Variants in SKOR1 observed in about 807,000 individuals in gnomAD.
The protein encoded by SKOR1 is SKI family transcriptional corepressor 1.
In SKOR1, 38 loss-of-function variants were observed where a neutral mutation model predicts 72.4. That is an observed-to-expected ratio of 0.52 (90% CI 0.40 to 0.69). The LOEUF is 0.69. Ranked by LOEUF, SKOR1 falls within the 30% of genes least tolerant of loss-of-function variation. SKOR1 has a pLI of 0.00. For missense variants in SKOR1, 1,320 were observed against 1,343.2 expected, an observed-to-expected ratio of 0.98 and a Z score of 0.27; for synonymous variants, 642 against 599.4, an observed-to-expected ratio of 1.07 and a Z score of -1.04.
chr15:67,833,994 C>A lies in SKOR1; in HGVS notation c.*158C>A, dbSNP rs1481690281. ...CTTCCTCCCGGGCTCCCCGGCCTTG[C>A]CCGCCCCCTCCCGGGCGTCCCTGTC... On this transcript the variant is annotated 3_prime_UTR_variant, in exon 9 of 9. Transcript: ENST00000380035. This position sits in a 1 kb window ranked among gnomAD's most constrained non-coding sequence, Gnocchi z 6.0. 2.6e-6 allele frequency: 2 copies of A among 780,166 alleles called. No individual in the cohort carries two copies. The highest frequency in any genetic ancestry group is 2.1e-5 in the Admixed American group (1 of 47,352). The allele number at this position is 780,166 out of a possible 1,614,324, so 48.3% of individuals were successfully genotyped here.
In SKOR1 at chr15:67,827,007, C is replaced by T. The variant is rs758789988; in HGVS notation, c.1179C>T (p.Phe393=). The part of the protein sequence containing the change: ...GLLQKLPPPL[F]PHPYGFPTAF... The stretch of plus-strand genomic sequence containing the variant: ...TGCAAAAGCTGCCCCCACCACTTTT[C>T]CCCCATCCTTACGGCTTCCCTACGG... Residue 393 remains phenylalanine, a synonymous_variant, in exon 2 of 9, where the codon TTC becomes TTT. Coordinates refer to ENST00000380035, the MANE Select transcript of SKOR1 (RefSeq NM_001365915.1). 8 of 1,594,232 alleles carry T rather than the reference C, an allele frequency of 5.0e-6. No homozygotes were observed. The highest frequency in any genetic ancestry group is 4.0e-5 in the African/African-American group (3 of 74,240).
chr15:67,829,127 G>A, intron 2 of SKOR1, 52 bp from the exon 3 acceptor site: 1 of 1,472,392 alleles, frequency 6.8e-7, no homozygotes, highest in Non-Finnish European at 9.0e-7. Context: ...GGGCGTCTTT[G>A]GGCCGCCGCA....
Position 67,827,230 on chromosome 15 carries a change from G to A in SKOR1, c.1402G>A (p.Ala468Thr), listed in dbSNP as rs768411069. The change falls in exon 2 of 9, where the codon GCA (alanine) becomes ACA (threonine). Residue 468 changes from alanine (A) to threonine (T), a missense_variant. Coordinates refer to ENST00000380035, the MANE Select transcript of SKOR1 (RefSeq NM_001365915.1). ...GTTCTGGGGGCATCAACCCTCCGGG[G>A]CAGCCAAGGACGCAGCGGCAGTGGC... ...AMFWGHQPSGAAKDAAAVAAA... is the reference protein window; with the variant it reads ...AMFWGHQPSGTAKDAAAVAAA... The A allele has an allele frequency of 5.7e-6, 9 of 1,566,414 alleles. No homozygotes were observed. The highest frequency in any genetic ancestry group is 6.9e-6 in the Non-Finnish European group (8 of 1,164,620).
At position 67,827,141 on chromosome 15, in the gene SKOR1, C is replaced by T. The variant is rs1030214875; in HGVS notation, c.1313C>T (p.Ala438Val). ...GGGGAGTGGG[A>V]GGPGASHLPP... is the part of the protein sequence containing the mutation. The stretch of plus-strand genomic sequence containing the variant: ...GGCGGCGCGGGGACAGGCGGGGGTG[C>T]GGGGGGCCCGGGAGCCAGCCACTTG... Residue 438 changes from alanine (A) to valine (V), a missense_variant, in exon 2 of 9, where the codon GCG (alanine) becomes GTG (valine). This residue lies in a region of SKOR1 where 1,099 missense variants were observed against 1,025.5 expected (regional missense o/e 1.07). Transcript: ENST00000380035. 3.0e-6 allele frequency: 4 copies of T among 1,350,754 alleles called. No individual in the cohort carries two copies. The South Asian group carries it at 5.9e-5, about 20-fold the overall frequency. The allele number at this position is 1,350,754 out of a possible 1,614,324, so 83.7% of individuals were successfully genotyped here.
chr15:67,827,190 G>C lies in SKOR1; in HGVS notation c.1362G>C (p.Pro454=), dbSNP rs749352635. 3.4e-4 allele frequency: 480 copies of C among 1,411,344 alleles called. No homozygotes were observed. The highest frequency in any genetic ancestry group is 4.2e-4 in the Non-Finnish European group (454 of 1,089,008). 87.4% of individuals were successfully genotyped at this position (1,411,344 alleles called of 1,614,324 possible). ...SHLPPGAGAG[P]GGGAMFWGHQ... is the part of the protein sequence containing the mutation. ...TGCCCCCGGGGGCAGGGGCGGGCCC[G>C]GGCGGCGGCGCCATGTTCTGGGGGC... Residue 454 remains proline (P), a synonymous_variant, in exon 2 of 9, where the codon CCG becomes CCC. Coordinates refer to ENST00000380035, the MANE Select transcript of SKOR1 (RefSeq NM_001365915.1).
In SKOR1 at chr15:67,827,584, G is replaced by A. The variant is rs1415077497; in HGVS notation, c.1756G>A (p.Ala586Thr). Residue 586 changes from alanine to threonine, a missense_variant, in exon 2 of 9, where the codon GCA becomes ACA. Ala to Thr is a moderately conservative substitution (Grantham distance 58). Transcript: ENST00000380035. The part of the protein sequence containing the change: ...APLPPPPPPP[A>T]RKGSYVSAFR... Reference sequence around the variant, plus strand: ...GTTGCCCCCGCCGCCCCCGCCGCCCGCACGCAAAGGCTCCTACGTGTCGGC... The same window carrying A: ...GTTGCCCCCGCCGCCCCCGCCGCCCACACGCAAAGGCTCCTACGTGTCGGC... The A allele has an allele frequency of 1.3e-5, 19 of 1,519,572 alleles. No homozygotes were observed. The highest frequency in any genetic ancestry group is 1.7e-5 in the Non-Finnish European group (19 of 1,140,986). The allele number at this position is 1,519,572 out of a possible 1,614,324, so 94.1% of individuals were successfully genotyped here.
Position 67,833,799 on chromosome 15 carries a change from C to T in SKOR1, c.2861C>T (p.Thr954Ile). The change falls in exon 9 of 9, where the codon ACT becomes ATT. Residue 954 changes from threonine (T) to isoleucine (I), a missense_variant. This residue lies in a region of SKOR1 where 1,099 missense variants were observed against 1,025.5 expected (regional missense o/e 1.07). Coordinates refer to ENST00000380035, the MANE Select transcript of SKOR1 (RefSeq NM_001365915.1). The surrounding 1 kb of genome is among the most constrained non-coding windows in gnomAD (Gnocchi z 6.0). ...AAGATGCTGACGCCCCGCCACTGCA[C>T]TGGCAACTGCTCCTTCAAGCCACCG... ...SCKMLTPRHC[T>I]GNCSFKPPLL... is the part of the protein sequence containing the mutation. The T allele has an allele frequency of 6.2e-7, 1 of 1,612,742 alleles. No individual in the cohort carries two copies. Among genetic ancestry groups the T allele is most frequent in the Non-Finnish European group, 8.5e-7 (1 of 1,180,036 alleles).
chr15:67,830,128 C>T, intron 3 of SKOR1, 63 bp from the exon 4 acceptor site: 1 of 1,554,306 alleles, frequency 6.4e-7, no homozygotes, highest in Non-Finnish European at 8.9e-7. Flanking sequence ...ACCGCGGCAG[C>T]TCCGGCAGTA....
chr15:67,827,883 A>AG lies in SKOR1; in HGVS notation c.2060dup (p.Gly688ArgfsTer5). ...AGACCGAGCCCAGCGCACCCAGCGC[A>AG]GGGGGCGGCCCAGACGGTGAACAGC... On this transcript the variant is annotated frameshift_variant, in exon 2 of 9. Coordinates refer to ENST00000380035, the MANE Select transcript of SKOR1 (RefSeq NM_001365915.1). LOFTEE classifies it high-confidence loss of function. 1.2e-6 allele frequency: 2 copies of AG among 1,600,600 alleles called. No individual in the cohort carries two copies. The highest frequency in any genetic ancestry group is 1.7e-5 in the Admixed American group (1 of 58,110).
Position 67,826,518 on chromosome 15 carries a change from C to T in SKOR1, c.690C>T (p.Pro230=). The stretch of plus-strand genomic sequence containing the variant: ...TCATCTTCCACTCGCACCGAACACC[C>T]GACGCCAAGTACACGCAGCCCGATG... ...NKFIFHSHRT[P]DAKYTQPDAA... is the part of the protein sequence containing the mutation. Residue 230 remains proline (P), a synonymous_variant, in exon 2 of 9, where the codon CCC becomes CCT. Coordinates refer to ENST00000380035, the MANE Select transcript of SKOR1 (RefSeq NM_001365915.1). 6.2e-7 allele frequency: 1 copy of T among 1,613,796 alleles called. No homozygotes were observed.
chr15:67,830,372 G>C, intron 4 of SKOR1, 74 bp downstream of exon 4: 2 of 1,303,134 alleles, frequency 1.5e-6, no homozygotes, highest in Non-Finnish European at 2.2e-6. Flanking sequence ...GGTTCCCAGA[G>C]GCTTGCGAGA....
In SKOR1 at chr15:67,827,709, C is replaced by T; in HGVS notation, c.1881C>T (p.Gly627=). Residue 627 remains glycine, a synonymous_variant, in exon 2 of 9, where the codon GGC becomes GGT. Transcript: ENST00000380035. ...GGCCTGCTCGGGGGCCGGGACCCGG[C>T]GCTGGGAGCGGCGGCTACGTGAGCC... ...GAGPARGPGP[G]AGSGGYVSPD... The T allele has an allele frequency of 6.5e-7, 1 of 1,541,022 alleles. No individual in the cohort carries two copies. The highest frequency in any genetic ancestry group is 1.2e-5 in the South Asian group (1 of 83,100).
Position 67,826,748 on chromosome 15 carries a change from G to C in SKOR1, c.920G>C (p.Gly307Ala), listed in dbSNP as rs1218973936. ...AAGGGTGGTGCTGGCGGCGGTGGCG[G>C]CGGTGGCCCAGGGTGCGGTGCAGAG... is the stretch of plus-strand genomic sequence containing the variant. Reference protein sequence around the residue: ...QGKGGAGGGGGGGPGCGAEMA... With the variant: ...QGKGGAGGGGAGGPGCGAEMA... Residue 307 changes from glycine (G) to alanine (A), a missense_variant, in exon 2 of 9, where the codon GGC (glycine) becomes GCC (alanine). Gly to Ala is a moderately conservative substitution (Grantham distance 60). Coordinates refer to ENST00000380035, the MANE Select transcript of SKOR1 (RefSeq NM_001365915.1). 1 of 1,537,040 alleles carries C rather than the reference G, an allele frequency of 6.5e-7. No homozygotes were observed. Among genetic ancestry groups the C allele is most frequent in the Non-Finnish European group, 8.7e-7 (1 of 1,146,084 alleles).
At position 67,826,825 on chromosome 15, in the gene SKOR1, G is replaced by C. The variant is rs1185014509; in HGVS notation, c.997G>C (p.Ala333Pro). The C allele has an allele frequency of 2.6e-6, 4 of 1,525,906 alleles. No individual in the cohort carries two copies. Among genetic ancestry groups the C allele is most frequent in the Non-Finnish European group, 3.5e-6 (4 of 1,139,110 alleles). 94.5% of individuals were successfully genotyped at this position (1,525,906 alleles called of 1,614,324 possible). A position where few individuals can be genotyped will look rare whatever the true frequency, so the allele number is the denominator to read the frequency against. Residue 333 changes from alanine (A) to proline (P), a missense_variant, in exon 2 of 9, where the codon GCT becomes CCT. Physicochemically the swap from Ala to Pro is conservative, Grantham distance 27. This residue lies in a region of SKOR1 where 1,099 missense variants were observed against 1,025.5 expected (regional missense o/e 1.07). Coordinates refer to ENST00000380035, the MANE Select transcript of SKOR1 (RefSeq NM_001365915.1). ...HKSLRCGEDE[A>P]AGPPGPPPPH... is the part of the protein sequence containing the mutation. ...AAGCCTGCGCTGTGGCGAAGATGAGGCTGCCGGGCCTCCGGGGCCACCTCC... is the reference window on the plus strand; with the variant it reads ...AAGCCTGCGCTGTGGCGAAGATGAGCCTGCCGGGCCTCCGGGGCCACCTCC...
At chr15:67,829,134 C>G (rs1166941055) in intron 2 of SKOR1, 45 bp from the exon 3 acceptor site, 1 of 1,486,788 alleles carries the variant, frequency 6.7e-7, no homozygotes, top group South Asian at 1.2e-5. Flanking sequence ...TTTGGGCCGC[C>G]GCAGGGCGCC....
At position 67,825,979 on chromosome 15, in the gene SKOR1, C is replaced by A. The variant is rs970275154; in HGVS notation, c.151C>A (p.Arg51Ser). ...TCTCACCACTCAGCTGGGGCCGGGG[C>A]GCGAGGGCAGTTCCTCGCCCAACTC... The part of the protein sequence containing the change: ...EALTTQLGPG[R>S]EGSSSPNSKQ... The change falls in exon 2 of 9, where the codon CGC becomes AGC. Residue 51 changes from arginine (R) to serine (S), a missense_variant. Around this residue, in one of 3 missense-constraint regions of SKOR1, gnomAD observed 120 missense variants for 104.9 expected, o/e 1.14. Transcript: ENST00000380035. The surrounding 1 kb of genome is among the most constrained non-coding windows in gnomAD (Gnocchi z 5.6). 2.0e-6 allele frequency: 3 copies of A among 1,527,244 alleles called. No individual in the cohort carries two copies. The highest frequency in any genetic ancestry group is 2.6e-5 in the South Asian group (2 of 77,608). The allele number at this position is 1,527,244 out of a possible 1,614,324, so 94.6% of individuals were successfully genotyped here. A position where few individuals can be genotyped will look rare whatever the true frequency, so the allele number is the denominator to read the frequency against.
chr15:67,834,319 G>T lies in SKOR1; in HGVS notation c.*483G>T, dbSNP rs1692103818. 5.6e-6 allele frequency: 1 copy of T among 177,016 alleles called. No homozygotes were observed. Among genetic ancestry groups the T allele is most frequent in the Non-Finnish European group, 1.2e-5 (1 of 81,018 alleles). The allele number at this position is 177,016 out of a possible 1,614,324, so 11.0% of individuals were successfully genotyped here. A position where few individuals can be genotyped will look rare whatever the true frequency, so the allele number is the denominator to read the frequency against. ...TGTGAGTCTCTCGGTTCAGTATTAG[G>T]TTCACTTTAATTTATTTATGCTGTA... On this transcript the variant is annotated 3_prime_UTR_variant, in exon 9 of 9. Coordinates refer to ENST00000380035, the MANE Select transcript of SKOR1 (RefSeq NM_001365915.1). The surrounding 1 kb of genome is among the most constrained non-coding windows in gnomAD (Gnocchi z 5.8).
Position 67,833,748 on chromosome 15 carries a change from A to G in SKOR1, c.2810A>G (p.His937Arg). 1 of 1,613,682 alleles carries G rather than the reference A, an allele frequency of 6.2e-7. No individual in the cohort carries two copies. Among genetic ancestry groups the G allele is most frequent in the Non-Finnish European group, 8.5e-7 (1 of 1,180,020 alleles). ...YAIQQKLKEA[H>R]DALHHFSCKM... is the part of the protein sequence containing the mutation. ...CTCGCGACTGTCTCCCCAGAAGCCC[A>G]CGACGCCCTGCACCATTTCTCCTGC... The change falls in exon 9 of 9, where the codon CAC becomes CGC. Residue 937 changes from histidine to arginine, a missense_variant. By Grantham distance (29) the His-to-Arg change is conservative. Coordinates refer to ENST00000380035, the MANE Select transcript of SKOR1 (RefSeq NM_001365915.1). This position sits in a 1 kb window ranked among gnomAD's most constrained non-coding sequence, Gnocchi z 6.0.
rs1159399730 is a variant in SKOR1, at chr15:67,825,648, G to A, written c.46G>A (p.Val16Ile). The change falls in exon 1 of 9, where the codon GTT (valine) becomes ATT (isoleucine). Residue 16 changes from valine to isoleucine, a missense_variant. Around this residue, in one of 3 missense-constraint regions of SKOR1, gnomAD observed 120 missense variants for 104.9 expected, o/e 1.14. Transcript: ENST00000380035. This position sits in a 1 kb window ranked among gnomAD's most constrained non-coding sequence, Gnocchi z 5.6. ...GLGQVTLRIW[V>I]SLPSQSENGI... ...TGGGCAAGTCACTCTGCGTATCTGG[G>A]TTTCACTTCCTTCCCAATCCGAAAA... 4 of 720,598 alleles carry A rather than the reference G, an allele frequency of 5.6e-6. No individual in the cohort carries two copies. The highest frequency in any genetic ancestry group is 4.0e-5 in the Admixed American group (2 of 50,016). 44.6% of individuals were successfully genotyped at this position (720,598 alleles called of 1,614,324 possible). A position where few individuals can be genotyped will look rare whatever the true frequency, so the allele number is the denominator to read the frequency against.
Sources: gnomAD v4.1 joint callset for allele counts on GRCh38, gnomAD v4.1.1 for gene constraint, gnomAD v4.1.1 regional missense constraint, Gnocchi (gnomAD v3.1) non-coding constraint, MANE v1.5 for transcripts, NCBI Gene and HGNC (gene_info 2026-07-23, HGNC 2026-07-21) for gene names.